The following SYCP1 variants were observed in gnomAD, a reference collection of about 807,000 sequenced individuals.
SYCP1 encodes the protein cancer/testis antigen 8.
Under a neutral mutation model 153.1 loss-of-function variants are expected in SYCP1, and 64 were observed. The observed-to-expected ratio is 0.42, with a 90% CI of 0.34 to 0.51. SYCP1 has a LOEUF of 0.51. Among genes scored for constraint, SYCP1 ranks in the 20% least tolerant of loss-of-function variants. The pLI, the probability that SYCP1 is intolerant of heterozygous loss-of-function variation, is 0.06. For synonymous variants in SYCP1, 384 were observed against 341.8 expected (o/e 1.12, Z -1.36); for missense variants, 997 against 1,049.0 (o/e 0.95, Z 0.68).
intron 23 of SYCP1, 138 bp downstream of exon 23, chr1:114,926,701 C>T: frequency 1.5e-6 from 1 of 683,620 alleles, no homozygotes; most frequent in South Asian, 2.6e-5. Context: ...AGGTTGTTAT[C>T]TTTTTAAATA....
chr1:114,876,270 C>G (rs968545134), intron 10 of SYCP1, 132 bp downstream of exon 10: 2 of 536,144 alleles, frequency 3.7e-6, no homozygotes, highest in Non-Finnish European at 6.0e-6. Context: ...TTTCTGTAAG[C>G]CCCTCTAAAT....
At chr1:114,969,949 T>C (rs1672373372) in intron 27 of SYCP1, among the ~76,000 whole-genome samples, 1 of 152,166 alleles carries the variant, frequency 6.6e-6, no homozygotes, top group Non-Finnish European at 1.5e-5. Context: ...CCACCCCTGC[T>C]TCTGCTCGCC....
At chr1:114,892,085 G>C (rs1666745432) in intron 15 of SYCP1, among the ~76,000 whole-genome samples, 1 of 152,146 alleles carries the variant, frequency 6.6e-6, no homozygotes, top group Non-Finnish European at 1.5e-5. Context: ...AGGCACCCAG[G>C]AGGAGTGCTT....
intron 30 of SYCP1, among the ~76,000 whole-genome samples, chr1:114,993,342 T>C (rs1485927860): frequency 2.0e-5 from 3 of 151,582 alleles, no homozygotes; most frequent in Admixed American, 2.0e-4. Flanking sequence ...CTGAAGTTTT[T>C]GTTAAATGTG....
chr1:114,861,214 T>C (rs1413393876), intron 8 of SYCP1, among the ~76,000 whole-genome samples: 1 of 152,160 alleles, frequency 6.6e-6, no homozygotes. Context: ...ATTTTCAATC[T>C]AAATAGAATT....
chr1:114,956,257 G>C (rs987757997), intron 27 of SYCP1, among the ~76,000 whole-genome samples: 42 of 152,056 alleles, frequency 2.8e-4, no homozygotes, highest in Admixed American at 1.1e-3. Flanking sequence ...GGTGGTGGGG[G>C]GACAGTCACA....
At position 114,857,556 on chromosome 1, in the gene SYCP1, A is replaced by C. The variant is rs372385605; in HGVS notation, c.291+59A>C. ...GTAATTGGAATATAACTTATTACCTATATGTATATTTCTTTTGAAGCTTCA... is the reference window on the plus strand; with the variant it reads ...GTAATTGGAATATAACTTATTACCTCTATGTATATTTCTTTTGAAGCTTCA... On this transcript the variant is annotated intron_variant, in intron 5 of 31. Coordinates refer to ENST00000369522, the MANE Select transcript of SYCP1 (RefSeq NM_003176.4). 231 of 1,202,838 alleles carry C rather than the reference A, an allele frequency of 1.9e-4. 1 individual carries two copies. Among genetic ancestry groups the C allele is most frequent in the Middle Eastern group, 1.4e-3 (7 of 4,900 alleles). The allele number at this position is 1,202,838 out of a possible 1,614,324, so 74.5% of individuals were successfully genotyped here. A position where few individuals can be genotyped will look rare whatever the true frequency, so the allele number is the denominator to read the frequency against.
At chr1:114,959,915 G>T (rs1262894512) in intron 27 of SYCP1, among the ~76,000 whole-genome samples, 1 of 152,058 alleles carries the variant, frequency 6.6e-6, no homozygotes, top group Non-Finnish European at 1.5e-5. Context: ...GCAAATCACA[G>T]GATCTTATTC....
chr1:114,956,666 A>T (rs989979907), intron 27 of SYCP1, among the ~76,000 whole-genome samples: 2 of 152,104 alleles, frequency 1.3e-5, no homozygotes, highest in Non-Finnish European at 2.9e-5. Context: ...ATTCCCATAC[A>T]GCTCTAGTAC....
chr1:114,873,075 C>G (rs1386989273), intron 8 of SYCP1, among the ~76,000 whole-genome samples: 2 of 152,146 alleles, frequency 1.3e-5, no homozygotes, highest in Non-Finnish European at 2.9e-5. Flanking sequence ...ACTTTATGTA[C>G]TAGAGCCCTT....
At chr1:114,868,885 A>T (rs1202497292) in intron 8 of SYCP1, among the ~76,000 whole-genome samples, 2 of 152,032 alleles carry the variant, frequency 1.3e-5, no homozygotes, top group East Asian at 3.9e-4. Flanking sequence ...GTTTGTAGTG[A>T]TGTCTCCTTT....
chr1:114,870,206 G>C (rs546219978), intron 8 of SYCP1, among the ~76,000 whole-genome samples: 31 of 151,972 alleles, frequency 2.0e-4, no homozygotes, highest in Non-Finnish European at 4.3e-4. Context: ...TAGAGAAGGG[G>C]TTTGCTACGT....
intron 16 of SYCP1, among the ~76,000 whole-genome samples, chr1:114,900,936 CT>C (rs1667402843): frequency 6.6e-6 from 1 of 152,210 alleles, no homozygotes; most frequent in Non-Finnish European, 1.5e-5. Context: ...TACCAATAAT[CT>C]TTAAGTCAGT....
chr1:114,961,881 C>T (rs550735723), intron 27 of SYCP1, among the ~76,000 whole-genome samples: 1 of 151,874 alleles, frequency 6.6e-6, no homozygotes, highest in Admixed American at 6.6e-5. Context: ...TAGATTAAGT[C>T]CATTTTTTCT....
chr1:114,895,615 T>C, intron 16 of SYCP1, 106 bp downstream of exon 16: 1 of 544,264 alleles, frequency 1.8e-6, no homozygotes, highest in Non-Finnish European at 2.9e-6. Flanking sequence ...ACTAATTTTT[T>C]CAGCTAAAAT....
At chr1:114,948,256 G>A (rs946683198) in intron 27 of SYCP1, among the ~76,000 whole-genome samples, 2 of 151,990 alleles carry the variant, frequency 1.3e-5, no homozygotes, top group African/African-American at 4.8e-5. Context: ...CTATGAGATG[G>A]GAACTGTGTT....
chr1:114,932,660 A>C (rs1479334891), intron 23 of SYCP1, among the ~76,000 whole-genome samples: 1 of 152,204 alleles, frequency 6.6e-6, no homozygotes, highest in Non-Finnish European at 1.5e-5. Context: ...AACCAAGAGA[A>C]GCCGTGACTG....
At chr1:114,855,355 A>C in intron 1 of SYCP1, 86 bp from the exon 2 acceptor site, 1 of 670,212 alleles carries the variant, frequency 1.5e-6, no homozygotes, top group Non-Finnish European at 2.4e-6. Context: ...TTAGTTTGTA[A>C]ACATCACTTT....
At chr1:114,876,206 TTAA>T in intron 10 of SYCP1, 68 bp downstream of exon 10, 1 of 1,088,458 alleles carries the variant, frequency 9.2e-7, no homozygotes, top group Non-Finnish European at 1.3e-6. Flanking sequence ...TCAGATTCCG[TTAA>T]TGTCTTCATC....
Sources: allele counts gnomAD v4.1 joint callset (sites outside exome capture counted in the v4.1 genomes callset), GRCh38; gene constraint gnomAD v4.1.1; transcripts MANE v1.5; gene names NCBI Gene and HGNC (gene_info 2026-07-23, HGNC 2026-07-21).